Variants in DAB1 observed in about 807,000 individuals in gnomAD.
The protein encoded by DAB1 is disabled homolog 1.
DAB1 carries 15 observed loss-of-function variants against 64.6 expected under a neutral mutation model. The observed-to-expected ratio is 0.23, with a 90% CI of 0.16 to 0.36. DAB1 has a LOEUF of 0.36. Among genes scored for constraint, DAB1 ranks in the 10% least tolerant of loss-of-function variants. The probability of loss-of-function intolerance (pLI) is 1.00; values close to 1 mark genes in which losing one functional copy is unlikely to be tolerated. For missense variants in DAB1, 596 were observed against 706.7 expected (o/e 0.84, Z 1.78); for synonymous variants, 235 against 251.9 (o/e 0.93, Z 0.64).
intron 4 of DAB1, among the ~76,000 whole-genome samples, chr1:57,128,101 C>T (rs955656568): frequency 4.0e-5 from 6 of 151,458 alleles, no homozygotes; most frequent in South Asian, 2.1e-4. Flanking sequence ...AAACAGAGAT[C>T]GTGCCATGGC....
intron 6 of DAB1, among the ~76,000 whole-genome samples, chr1:57,723,140 G>A (rs1647171135): frequency 2.0e-5 from 3 of 152,118 alleles, no homozygotes; most frequent in Non-Finnish European, 4.4e-5. Context: ...TAATTTTCTA[G>A]TCAACTTTTT....
Position 58,458,932 on chromosome 1 carries a change from G to T in DAB1, n.257+47128C>A, listed in dbSNP as rs571142570. Among the ~76,000 whole-genome samples, 7 of 152,230 alleles carry T rather than the reference G, an allele frequency of 4.6e-5. No individual in the cohort carries two copies. In the East Asian group the frequency reaches 1.2e-3, roughly 25 times the overall value. On this transcript the variant is annotated intron_variant and non_coding_transcript_variant, in intron 3 of 20. Coordinates refer to the DAB1 transcript ENST00000485760. ...AGCCTCAGTTTCCTCATTATATAAGGATATTCATATGGTCACTTGATATTA... is the reference window on the plus strand; with the variant it reads ...AGCCTCAGTTTCCTCATTATATAAGTATATTCATATGGTCACTTGATATTA...
chr1:57,717,763 C>T (rs1330392824), intron 6 of DAB1, among the ~76,000 whole-genome samples: 1 of 151,900 alleles, frequency 6.6e-6, no homozygotes, highest in Non-Finnish European at 1.5e-5. Context: ...TATACATACA[C>T]ACTATGAAAT....
chr1:58,527,368 A>T (rs749921671), intron 1 of DAB1: 1 of 862,582 alleles, frequency 1.2e-6, no homozygotes, highest in South Asian at 1.3e-5. Context: ...CTCCATTAAG[A>T]CAATTTATTT....
At chr1:57,640,678 C>T (rs1646117579) in intron 7 of DAB1, among the ~76,000 whole-genome samples, 1 of 152,186 alleles carries the variant, frequency 6.6e-6, no homozygotes, top group South Asian at 2.1e-4. Context: ...ATGGGTTCAG[C>T]ACTAAGGACT....
At chr1:58,439,683 C>G (rs1644986173) in intron 3 of DAB1, among the ~76,000 whole-genome samples, 1 of 152,166 alleles carries the variant, frequency 6.6e-6, no homozygotes, top group African/African-American at 2.4e-5. Context: ...CACAGAGAGA[C>G]TGAATAATTT....
intron 4 of DAB1, among the ~76,000 whole-genome samples, chr1:57,134,044 G>C (rs1164015329): frequency 6.6e-6 from 1 of 152,134 alleles, no homozygotes; most frequent in Non-Finnish European, 1.5e-5. Flanking sequence ...ATGTGACTTT[G>C]TCCAGCACTT....
At chr1:57,261,777 A>C (rs12136930) in intron 2 of DAB1, among the ~76,000 whole-genome samples, 5,859 of 152,294 alleles carry the variant, frequency 0.038, 341 homozygotes, top group East Asian at 0.29. Flanking sequence ...CTAAAATGAT[A>C]ATCATACCAT....
chr1:57,751,383 C>A (rs7540400), intron 6 of DAB1, among the ~76,000 whole-genome samples: 1 of 151,948 alleles, frequency 6.6e-6, no homozygotes, highest in Non-Finnish European at 1.5e-5. Context: ...TCCTGAGACA[C>A]TGGTGGGTCT....
Position 57,214,084 on chromosome 1 carries a change from G to C in DAB1, c.68-68655C>G, listed in dbSNP as rs555844648. 2.0e-5 allele frequency among the ~76,000 whole-genome samples: 3 copies of C among 152,304 alleles called. No homozygotes were observed. The South Asian group carries it at 6.2e-4, about 32-fold the overall frequency. ...TTTTGTGCTGCTAAAACAAATACTT[G>C]AGACAGGACAATTTATAAAGAACAG... On this transcript the variant is annotated intron_variant, in intron 2 of 14. Coordinates refer to ENST00000371236, the MANE Select transcript of DAB1 (RefSeq NM_001365792.1).
chr1:58,054,362 T>C (rs1182988837), intron 5 of DAB1, among the ~76,000 whole-genome samples: 1 of 152,250 alleles, frequency 6.6e-6, no homozygotes, highest in Non-Finnish European at 1.5e-5. Context: ...ATACCATTCA[T>C]TTTTGGTCCA....
intron 4 of DAB1, among the ~76,000 whole-genome samples, chr1:58,189,397 G>T (rs1163308857): frequency 6.6e-6 from 1 of 152,206 alleles, no homozygotes; most frequent in Admixed American, 6.5e-5. Flanking sequence ...TACAAATGAT[G>T]AAACTGGCAT....
intron 3 of DAB1, among the ~76,000 whole-genome samples, chr1:58,368,472 G>T (rs1356139411): frequency 6.6e-6 from 1 of 152,186 alleles, no homozygotes; most frequent in Non-Finnish European, 1.5e-5. Context: ...GGAGGGTGAT[G>T]TGATTATCAG....
At chr1:57,036,343 G>A (rs772217358) in intron 9 of DAB1, among the ~76,000 whole-genome samples, 1 of 151,876 alleles carries the variant, frequency 6.6e-6, no homozygotes, top group Non-Finnish European at 1.5e-5. Context: ...CATCCCATCC[G>A]TATCTTTTTT....
chr1:57,882,399 T>TG (rs1644158762), intron 1 of DAB1, among the ~76,000 whole-genome samples: 2 of 152,170 alleles, frequency 1.3e-5, no homozygotes, highest in South Asian at 4.1e-4. Context: ...TCCTAGACTA[T>TG]GGAACAGCCT....
chr1:57,079,675 T>A (rs946443759), intron 4 of DAB1, among the ~76,000 whole-genome samples: 1 of 152,210 alleles, frequency 6.6e-6, no homozygotes, highest in Non-Finnish European at 1.5e-5. Context: ...ACAGGCCCCC[T>A]TGTTCCCCAC....
At chr1:57,331,198 G>A (rs918270711) in intron 1 of DAB1, among the ~76,000 whole-genome samples, 4 of 152,232 alleles carry the variant, frequency 2.6e-5, no homozygotes, top group Non-Finnish European at 5.9e-5. Flanking sequence ...GTCTGCTAAC[G>A]ATAAGAACAA....
intron 3 of DAB1, among the ~76,000 whole-genome samples, chr1:58,467,250 C>T (rs1386330592): frequency 6.6e-6 from 1 of 152,246 alleles, no homozygotes; most frequent in African/African-American, 2.4e-5. Context: ...AACAGGAACT[C>T]AAACACATCA....
Position 57,015,287 on chromosome 1 carries a change from A to G in DAB1, c.1040T>C (p.Phe347Ser), listed in dbSNP as rs1225946986. The stretch of plus-strand genomic sequence containing the variant: ...TGGCCAGGGCTGCTGAGTGGCAGGA[A>G]AGAGACCCGGCTGGCCCCATGCGAT... Reference protein sequence around the residue: ...QPIAWGQPGLFPATQQPWPTV... With the variant: ...QPIAWGQPGLSPATQQPWPTV... The change falls in exon 12 of 15, where the codon TTT (phenylalanine) becomes TCT (serine). Residue 347 changes from phenylalanine to serine, a missense_variant. Phe to Ser is a radical substitution (Grantham distance 155, BLOSUM62 -2). Coordinates refer to ENST00000371236, the MANE Select transcript of DAB1 (RefSeq NM_001365792.1). 1.6e-5 allele frequency: 26 copies of G among 1,614,112 alleles called. No individual in the cohort carries two copies. Among genetic ancestry groups the G allele is most frequent in the Non-Finnish European group, 2.1e-5 (25 of 1,180,030 alleles).
Sources: allele counts gnomAD v4.1 joint callset (sites outside exome capture counted in the v4.1 genomes callset), GRCh38; gene constraint gnomAD v4.1.1; transcripts MANE v1.5; gene names NCBI Gene and HGNC (gene_info 2026-07-23, HGNC 2026-07-21).